The following ERG variants were observed in gnomAD, a reference collection of about 807,000 sequenced individuals.
The protein encoded by ERG is ETS transcription factor ERG.
A neutral mutation model predicts 55.3 loss-of-function variants in ERG; 9 were observed. That is an observed-to-expected ratio of 0.16 (90% CI 0.10 to 0.28). The LOEUF (loss-of-function observed/expected upper bound fraction) is 0.28. Ranked by LOEUF, ERG falls within the 10% of genes least tolerant of loss-of-function variation. ERG has a pLI of 1.00. For synonymous variants in ERG, 223 were observed against 237.3 expected, an observed-to-expected ratio of 0.94 and a Z score of 0.55; for missense variants, 434 against 631.6, an observed-to-expected ratio of 0.69 and a Z score of 3.35.
At chr21:38,655,533 T>C (rs1242389658) in intron 1 of ERG, among the ~76,000 whole-genome samples, 1 of 152,226 alleles carries the variant, frequency 6.6e-6, no homozygotes, top group Non-Finnish European at 1.5e-5. Context: ...CTATCCCCTC[T>C]TCTCACCCTT....
At chr21:38,378,202 T>C (rs1987292506), downstream of ERG, among the ~76,000 whole-genome samples, 1 of 152,218 alleles carries the variant, frequency 6.6e-6, no homozygotes, top group South Asian at 2.1e-4. Context: ...CACCCCTGAC[T>C]TTCTATGTAT....
chr21:38,590,226 A>G (rs1015595463), intron 1 of ERG, among the ~76,000 whole-genome samples: 6 of 152,198 alleles, frequency 3.9e-5, no homozygotes, highest in African/African-American at 1.2e-4. Context: ...AAATTAAATT[A>G]CTGAGTGGAG....
At chr21:38,505,481 G>A (rs903099073) in intron 2 of ERG, among the ~76,000 whole-genome samples, 8 of 152,138 alleles carry the variant, frequency 5.3e-5, no homozygotes, top group African/African-American at 1.4e-4. Flanking sequence ...GTTAAATCCC[G>A]TTAAATGCAC....
intron 1 of ERG, among the ~76,000 whole-genome samples, chr21:38,660,977 G>T (rs1442983783): frequency 7.9e-5 from 12 of 152,108 alleles, no homozygotes; most frequent in Non-Finnish European, 1.6e-4. Flanking sequence ...TTTAGGACGC[G>T]GCTGGCGGCT....
intron 2 of ERG, among the ~76,000 whole-genome samples, chr21:38,435,902 T>C (rs1053982319): frequency 1.3e-5 from 2 of 152,224 alleles, no homozygotes; most frequent in African/African-American, 2.4e-5. Context: ...TTAATTTGTC[T>C]GAAAGACTCC....
intron 1 of ERG, among the ~76,000 whole-genome samples, chr21:38,603,269 T>G (rs2060175575): frequency 6.6e-6 from 1 of 152,052 alleles, no homozygotes; most frequent in Non-Finnish European, 1.5e-5. Flanking sequence ...CATCAAGGTC[T>G]CTAGCAGTGG....
At chr21:38,423,954 G>A (rs1989677253) in intron 2 of ERG, among the ~76,000 whole-genome samples, 1 of 151,652 alleles carries the variant, frequency 6.6e-6, no homozygotes, top group East Asian at 2.0e-4. Context: ...CCAGACTGGC[G>A]ACAGAGTAAG....
intron 2 of ERG, among the ~76,000 whole-genome samples, chr21:38,435,141 C>T (rs1303042483): frequency 6.6e-6 from 1 of 152,034 alleles, no homozygotes; most frequent in Admixed American, 6.6e-5. Context: ...GAGGCTGGCC[C>T]GGGACAAGCA....
rs74667889 is a variant in ERG at position 38,642,900 on chromosome 21, T to C, written c.-150+18758A>G. ...CTTGAGGAAAGTGCTGAGTTACAGA[T>C]GATGGAGTATGAAACACTGAGAGAG... On this transcript the variant is annotated intron_variant, in intron 1 of 10. Transcript: ENST00000398910. Among the ~76,000 whole-genome samples, 1,154 of 152,270 alleles carry C rather than the reference T, an allele frequency of 7.6e-3. 16 individuals are homozygous for C. The highest frequency in any genetic ancestry group is 0.011 in the Non-Finnish European group (727 of 67,986).
chr21:38,383,374 C>A lies in ERG; in HGVS notation c.*29G>T. On this transcript the variant is annotated 3_prime_UTR_variant, in exon 10 of 10. Transcript: ENST00000288319. The surrounding 1 kb of genome is among the most constrained non-coding windows in gnomAD (Gnocchi z 5.7). ...TTGTGGCGATGGGCTGGTGAATGCA[C>A]GCTGATGGGAAAAGCCTCCGCCAGG... is the stretch of plus-strand genomic sequence containing the variant. 1 of 1,474,750 alleles carries A rather than the reference C, an allele frequency of 6.8e-7. No homozygotes were observed. The highest frequency in any genetic ancestry group is 9.0e-7 in the Non-Finnish European group (1 of 1,110,430). 91.4% of individuals were successfully genotyped at this position (1,474,750 alleles called of 1,614,324 possible).
rs140269854 is a variant in ERG, at chr21:38,529,962, G to A, written c.-41+45700C>T. On this transcript the variant is annotated intron_variant, in intron 2 of 8. Transcript: ENST00000398897. The stretch of plus-strand genomic sequence containing the variant: ...GCCTGGGTGACAAGAGCGAAACTCC[G>A]TCTCAAAAATAAAAATAAACAAAAA... Among the ~76,000 whole-genome samples the A allele has an allele frequency of 9.4e-3, 1,426 of 152,144 alleles. 15 individuals are homozygous for A. Among genetic ancestry groups the A allele is most frequent in the African/African-American group, 0.032 (1,334 of 41,514 alleles).
intron 2 of ERG, among the ~76,000 whole-genome samples, chr21:38,430,843 C>A (rs1352428213): frequency 6.6e-6 from 1 of 152,206 alleles, no homozygotes; most frequent in African/African-American, 2.4e-5. Context: ...GGCCACACTC[C>A]TTGAGGAGTG....
chr21:38,477,797 A>C (rs1181428471), intron 1 of ERG, among the ~76,000 whole-genome samples: 1 of 152,270 alleles, frequency 6.6e-6, no homozygotes, highest in Non-Finnish European at 1.5e-5. Flanking sequence ...TGTAAAGTAC[A>C]TGCAGAAAGT....
In ERG at chr21:38,383,207, C is replaced by T; in HGVS notation, c.*196G>A. ...ATGTCCATATTCGTGACATTTTTAG[C>T]ATCCTCCTCATTTCTGTAGTAAGAC... On this transcript the variant is annotated 3_prime_UTR_variant, in exon 10 of 10. Coordinates refer to ENST00000288319, the MANE Select transcript of ERG (RefSeq NM_182918.4). The surrounding 1 kb of genome is among the most constrained non-coding windows in gnomAD (Gnocchi z 5.7). The T allele has an allele frequency of 7.8e-7, 1 of 1,287,328 alleles. No individual in the cohort carries two copies. Among genetic ancestry groups the T allele is most frequent in the Non-Finnish European group, 9.8e-7 (1 of 1,019,654 alleles). 79.7% of individuals were successfully genotyped at this position (1,287,328 alleles called of 1,614,324 possible).
intron 1 of ERG, among the ~76,000 whole-genome samples, chr21:38,627,883 T>C (rs752358626): frequency 9.9e-5 from 15 of 152,008 alleles, no homozygotes; most frequent in Non-Finnish European, 1.9e-4. Flanking sequence ...TCTGGGAATA[T>C]ACAAAACAAA....
chr21:38,402,588 G>A lies in ERG; in HGVS notation c.642C>T (p.Asn214=), dbSNP rs772664937. 2.9e-5 allele frequency: 46 copies of A among 1,569,570 alleles called. No homozygotes were observed. The highest frequency in any genetic ancestry group is 4.0e-5 in the Non-Finnish European group (46 of 1,155,266). ...TSDDVDKALQ[N]SPRLMHARNT... is the part of the protein sequence containing the mutation. ...TTCTAGCATGCATTAACCGTGGAGA[G>A]TTTTGTAAGGCTTTATCAACATCAT... Residue 214 remains asparagine (N), a synonymous_variant, in exon 5 of 10, where the codon AAC becomes AAT. Transcript: ENST00000288319.
At position 38,445,429 on chromosome 21, in the gene ERG, T is replaced by C; in HGVS notation, c.211A>G (p.Asn71Asp). The change falls in exon 2 of 10, where the codon AAC becomes GAC. Residue 71 changes from asparagine to aspartate, a missense_variant. By Grantham distance (23) the Asn-to-Asp change is conservative. Around this residue, in one of 5 missense-constraint regions of ERG, gnomAD observed 212 missense variants for 262.9 expected, o/e 0.81. Transcript: ENST00000288319. The stretch of plus-strand genomic sequence containing the variant: ...CTTGAGCCATTCACCTGGCTAGGGT[T>C]ACATTCCATTTTGATGGTGACCCTG... ...PARVTIKMEC[N>D]PSQVNGSRNS... is the part of the protein sequence containing the mutation. The C allele has an allele frequency of 1.2e-6, 2 of 1,614,144 alleles. No homozygotes were observed. The highest frequency in any genetic ancestry group is 1.7e-6 in the Non-Finnish European group (2 of 1,179,986).
chr21:38,495,383 A>T (rs1485803021), intron 1 of ERG, among the ~76,000 whole-genome samples: 1 of 152,256 alleles, frequency 6.6e-6, no homozygotes, highest in Non-Finnish European at 1.5e-5. Context: ...AGTCATGGAA[A>T]TAGCACTAGG....
rs141968027 is a variant in ERG at position 38,452,834 on chromosome 21, G to C, written c.19-7213C>G. Among the ~76,000 whole-genome samples, 491 of 152,290 alleles carry C rather than the reference G, an allele frequency of 3.2e-3. 3 individuals are homozygous for C. The highest frequency in any genetic ancestry group is 0.01 in the African/African-American group (424 of 41,552). ...CTGGCTGGTGCCAGCAATTCTCTTT[G>C]CCCACATACTTCTCCCCTGGCCTTG... On this transcript the variant is annotated intron_variant, in intron 1 of 9. Transcript: ENST00000288319.
Sources: allele counts gnomAD v4.1 joint callset (sites outside exome capture counted in the v4.1 genomes callset), GRCh38; gene constraint gnomAD v4.1.1; regional missense constraint gnomAD v4.1.1; non-coding constraint Gnocchi (gnomAD v3.1); transcripts MANE v1.5; gene names NCBI Gene and HGNC (gene_info 2026-07-23, HGNC 2026-07-21).